CD274: variants seen among roughly 807,000 people sequenced by gnomAD.
The protein encoded by CD274 is CD274 molecule.
In CD274, 8 loss-of-function variants were observed where a neutral mutation model predicts 30.1. The ratio of observed to expected loss-of-function variants is 0.27; its 90% confidence interval spans 0.16 to 0.48. CD274 has a LOEUF of 0.48. CD274 is among the 20% of genes least tolerant of loss of function. The probability of loss-of-function intolerance (pLI) is 0.99; values close to 1 mark genes in which losing one functional copy is unlikely to be tolerated. For missense variants in CD274, 353 were observed against 346.6 expected, an observed-to-expected ratio of 1.02 and a Z score of -0.15; for synonymous variants, 152 against 124.6, an observed-to-expected ratio of 1.22 and a Z score of -1.46.
rs2131223776 is a variant in CD274, at chr9:5,462,982, C to T, written c.543C>T (p.Thr181=). The T allele has an allele frequency of 6.2e-7, 1 of 1,614,074 alleles. No homozygotes were observed. The highest frequency in any genetic ancestry group is 8.5e-7 in the Non-Finnish European group (1 of 1,179,950). ...AAGTCCTGAGTGGTAAGACCACCAC[C>T]ACCAATTCCAAGAGAGAGGAGAAGC... ...DHQVLSGKTT[T]TNSKREEKLF... The change falls in exon 4 of 7, where the codon ACC becomes ACT. Residue 181 remains threonine (T), a synonymous_variant. Coordinates refer to ENST00000381577, the MANE Select transcript of CD274 (RefSeq NM_014143.4).
chr9:5,467,079 A>G (rs62560213), intron 6 of CD274, among the ~76,000 whole-genome samples: 2,832 of 152,242 alleles, frequency 0.019, 30 homozygotes, highest in Middle Eastern at 0.061. Flanking sequence ...AGCAGGGGAC[A>G]AGGATGACTT....
Position 5,467,934 on chromosome 9 carries a change from C to T in CD274, c.*72C>T, listed in dbSNP as rs1819524548. 7.4e-6 allele frequency: 10 copies of T among 1,351,374 alleles called. No homozygotes were observed. The highest frequency in any genetic ancestry group is 5.1e-5 in the Admixed American group (3 of 59,334). 83.7% of individuals were successfully genotyped at this position (1,351,374 alleles called of 1,614,324 possible). A position where few individuals can be genotyped will look rare whatever the true frequency, so the allele number is the denominator to read the frequency against. Reference sequence around the variant, plus strand: ...GGTTTAGGGGTTCATCGGGGCTGAGCGTGACAAGAGGAAGGAATGGGCCCG... The same window carrying T: ...GGTTTAGGGGTTCATCGGGGCTGAGTGTGACAAGAGGAAGGAATGGGCCCG... On this transcript the variant is annotated 3_prime_UTR_variant, in exon 7 of 7. Transcript: ENST00000381577.
chr9:5,452,481 T>C (rs1819225026), intron 1 of CD274, among the ~76,000 whole-genome samples: 1 of 152,266 alleles, frequency 6.6e-6, no homozygotes, highest in Non-Finnish European at 1.5e-5. Flanking sequence ...CATTGCTCTT[T>C]AAATGTCTCC....
At chr9:5,454,898 C>T (rs1586762277) in intron 1 of CD274, among the ~76,000 whole-genome samples, 1 of 152,126 alleles carries the variant, frequency 6.6e-6, no homozygotes, top group Non-Finnish European at 1.5e-5. Flanking sequence ...TGAGATTGAA[C>T]ATCTTTCATA....
chr9:5,451,609 C>T (rs1325981148), intron 1 of CD274, among the ~76,000 whole-genome samples: 1 of 152,156 alleles, frequency 6.6e-6, no homozygotes, highest in African/African-American at 2.4e-5. Flanking sequence ...AAAAACTTAG[C>T]CTTTCTCAGT....
intron 4 of CD274, 42 bp from the exon 5 acceptor site, chr9:5,465,457 T>C (rs1819481153): frequency 8.4e-7 from 1 of 1,195,950 alleles, no homozygotes; most frequent in Non-Finnish European, 1.2e-6. Context: ...CATCAAAATT[T>C]TATCTTTAGT....
chr9:5,451,538 A>T (rs1275644616), intron 1 of CD274, among the ~76,000 whole-genome samples: 1 of 152,236 alleles, frequency 6.6e-6, no homozygotes, highest in African/African-American at 2.4e-5. Context: ...TCCAGAAAGG[A>T]TGTATCAGTT....
At chr9:5,456,292 C>T (rs1208488584) in intron 2 of CD274, 127 bp downstream of exon 2, 6 of 616,200 alleles carry the variant, frequency 9.7e-6, no homozygotes, top group Admixed American at 6.5e-5. Context: ...CTTTCTTCTA[C>T]TTTACACAAT....
intron 3 of CD274, among the ~76,000 whole-genome samples, chr9:5,461,793 A>G (rs1418316717): frequency 6.6e-6 from 1 of 152,160 alleles, no homozygotes; most frequent in African/African-American, 2.4e-5. Context: ...AGGGTCCCAA[A>G]CCAATGATCT....
chr9:5,454,357 AAATAT>A, intron 1 of CD274, among the ~76,000 whole-genome samples: 1 of 152,102 alleles, frequency 6.6e-6, no homozygotes, highest in Non-Finnish European at 1.5e-5. Flanking sequence ...TTTAATTCCT[AAATAT>A]AATCACTGTC....
Position 5,457,237 on chromosome 9 carries a change from G to A in CD274, c.211G>A (p.Glu71Lys), listed in dbSNP as rs1819321418. Reference sequence around the variant, plus strand: ...GAACATTATTCAATTTGTGCATGGAGAGGAAGACCTGAAGGTTCAGCATAG... The same window carrying A: ...GAACATTATTCAATTTGTGCATGGAAAGGAAGACCTGAAGGTTCAGCATAG... ...DKNIIQFVHG[E>K]EDLKVQHSSY... Residue 71 changes from glutamate (E) to lysine (K), a missense_variant, in exon 3 of 7, where the codon GAG (glutamate) becomes AAG (lysine). By Grantham distance (56) the Glu-to-Lys change is moderately conservative. Transcript: ENST00000381577. 6.2e-7 allele frequency: 1 copy of A among 1,614,134 alleles called. No individual in the cohort carries two copies. The highest frequency in any genetic ancestry group is 8.5e-7 in the Non-Finnish European group (1 of 1,179,988).
At position 5,469,925 on chromosome 9, in the gene CD274, T is replaced by G; in HGVS notation, c.*2063T>G. The G allele has an allele frequency of 4.3e-6, 1 of 233,178 alleles. No individual in the cohort carries two copies. The highest frequency in any genetic ancestry group is 8.5e-6 in the Non-Finnish European group (1 of 117,962). The allele number at this position is 233,178 out of a possible 1,614,324, so 14.4% of individuals were successfully genotyped here. ...TCACTTTGATGCTGTACTTGCAAAA[T>G]CACATTTTCTTTCTGGAAATTCCGG... On this transcript the variant is annotated 3_prime_UTR_variant, in exon 7 of 7. Transcript: ENST00000381577.
In CD274 at chr9:5,457,096, C is replaced by T. The variant is rs766519356; in HGVS notation, c.70C>T (p.Pro24Ser). ...HLLNAFTVTV[P>S]KDLYVVEYGS... is the part of the protein sequence containing the mutation. ...CTTTTTAGCATTTACTGTCACGGTT[C>T]CCAAGGACCTATATGTGGTAGAGTA... The change falls in exon 3 of 7, where the codon CCC becomes TCC. Residue 24 changes from proline (P) to serine (S), a missense_variant. Physicochemically the swap from Pro to Ser is moderately conservative, Grantham distance 74. Transcript: ENST00000381577. The T allele has an allele frequency of 1.9e-6, 3 of 1,603,260 alleles. No individual in the cohort carries two copies. The highest frequency in any genetic ancestry group is 4.5e-5 in the East Asian group (2 of 44,680).
intron 4 of CD274, among the ~76,000 whole-genome samples, chr9:5,464,337 C>G (rs1327375767): frequency 6.6e-6 from 1 of 152,092 alleles, no homozygotes; most frequent in Non-Finnish European, 1.5e-5. Flanking sequence ...AAATACCTGG[C>G]ATGCCTAACT....
At chr9:5,461,965 A>T (rs1176551336) in intron 3 of CD274, among the ~76,000 whole-genome samples, 1 of 152,178 alleles carries the variant, frequency 6.6e-6, no homozygotes, top group Non-Finnish European at 1.5e-5. Context: ...AATGGAATAA[A>T]TTATGCAGTT....
At position 5,465,676 on chromosome 9, in the gene CD274, A is replaced by T. The variant is rs935358017; in HGVS notation, c.790+70A>T. 4.2e-6 allele frequency: 4 copies of T among 942,492 alleles called. No individual in the cohort carries two copies. The Admixed American group carries it at 7.3e-5, about 17-fold the overall frequency. The allele number at this position is 942,492 out of a possible 1,614,324, so 58.4% of individuals were successfully genotyped here. A position where few individuals can be genotyped will look rare whatever the true frequency, so the allele number is the denominator to read the frequency against. ...GGGGTGAGAATTGGATCATGGCTGC[A>T]AGGAAACCCGACTTAACCTCTGCAA... On this transcript the variant is annotated intron_variant, in intron 5 of 6. Transcript: ENST00000381577.
chr9:5,466,440 C>G (rs1010213417), intron 5 of CD274, among the ~76,000 whole-genome samples: 35 of 152,034 alleles, frequency 2.3e-4, no homozygotes, highest in African/African-American at 8.5e-4. Context: ...TGCCAGCATG[C>G]ATTTTGAATA....
chr9:5,464,030 C>T (rs1819455237), intron 4 of CD274, among the ~76,000 whole-genome samples: 1 of 151,988 alleles, frequency 6.6e-6, no homozygotes, highest in Non-Finnish European at 1.5e-5. Flanking sequence ...AGGAAAATGC[C>T]ACGTACTTCA....
At chr9:5,465,436 T>C (rs1819480674) in intron 4 of CD274, 63 bp from the exon 5 acceptor site, 1 of 934,854 alleles carries the variant, frequency 1.1e-6, no homozygotes, top group Middle Eastern at 2.1e-4. Flanking sequence ...ACCATTCTCC[T>C]GACCCCTTCC....
Sources: allele counts gnomAD v4.1 joint callset (sites outside exome capture counted in the v4.1 genomes callset), GRCh38; gene constraint gnomAD v4.1.1; transcripts MANE v1.5; gene names NCBI Gene and HGNC (gene_info 2026-07-23, HGNC 2026-07-21).